Variants in NLGN1 observed in about 807,000 individuals in gnomAD.
NLGN1 encodes neuroligin 1.
A neutral mutation model predicts 65.5 loss-of-function variants in NLGN1; 12 were observed. The observed-to-expected ratio is 0.18, with a 90% confidence interval of 0.12 to 0.30. The LOEUF (loss-of-function observed/expected upper bound fraction) is 0.30. NLGN1 is among the 10% of genes least tolerant of loss of function. The pLI is 1.00. For missense variants in NLGN1, 750 were observed against 1,007.1 expected, an observed-to-expected ratio of 0.74 and a Z score of 3.46; for synonymous variants, 350 against 359.5, an observed-to-expected ratio of 0.97 and a Z score of 0.30.
intron 3 of NLGN1, among the ~76,000 whole-genome samples, chr3:173,647,761 A>G (rs1758504833): frequency 6.6e-6 from 1 of 152,148 alleles, no homozygotes; most frequent in Non-Finnish European, 1.5e-5. Context: ...TTATGAAACT[A>G]TTATAGAAGA....
intron 4 of NLGN1, among the ~76,000 whole-genome samples, chr3:174,060,563 T>A (rs1737169787): frequency 6.6e-6 from 1 of 152,100 alleles, no homozygotes; most frequent in Non-Finnish European, 1.5e-5. Context: ...AATCAAGCTC[T>A]CCCTACCTCT....
chr3:174,064,173 A>T (rs1462170150), intron 4 of NLGN1, among the ~76,000 whole-genome samples: 1 of 152,026 alleles, frequency 6.6e-6, no homozygotes, highest in Non-Finnish European at 1.5e-5. Context: ...AACAATAGCA[A>T]CAATAAAAAA....
chr3:174,132,060 T>C (rs935978320), intron 4 of NLGN1, among the ~76,000 whole-genome samples: 1 of 152,196 alleles, frequency 6.6e-6, no homozygotes, highest in Non-Finnish European at 1.5e-5. Context: ...CTTCAAGAGT[T>C]CTGAGGACAG....
chr3:173,861,571 CAT>C (rs570504805), intron 4 of NLGN1, among the ~76,000 whole-genome samples: 9 of 141,676 alleles, frequency 6.4e-5, no homozygotes, highest in South Asian at 4.6e-4. Flanking sequence ...TACACACACA[CAT>C]ATATATACAC....
chr3:173,896,815 A>G (rs886084030), intron 4 of NLGN1, among the ~76,000 whole-genome samples: 2 of 152,010 alleles, frequency 1.3e-5, no homozygotes, highest in Non-Finnish European at 2.9e-5. Flanking sequence ...TTCTCACCCA[A>G]TCACCTTTCC....
intron 4 of NLGN1, among the ~76,000 whole-genome samples, chr3:173,941,012 G>C (rs923378482): frequency 6.6e-6 from 1 of 152,076 alleles, no homozygotes; most frequent in Non-Finnish European, 1.5e-5. Context: ...TGTTACGCTT[G>C]GTACAGTTTT....
intron 4 of NLGN1, among the ~76,000 whole-genome samples, chr3:174,168,293 G>T (rs544412450): frequency 6.6e-6 from 1 of 152,082 alleles, no homozygotes; most frequent in Middle Eastern, 3.2e-3. Flanking sequence ...TAGATTTTTC[G>T]TGGTGACAGA....
At chr3:174,056,190 A>C (rs1445025397) in intron 4 of NLGN1, among the ~76,000 whole-genome samples, 1 of 152,092 alleles carries the variant, frequency 6.6e-6, no homozygotes, top group Non-Finnish European at 1.5e-5. Flanking sequence ...ATTCTTAACT[A>C]TAACATTCTA....
At chr3:173,473,578 T>C (rs1345376958) in intron 2 of NLGN1, among the ~76,000 whole-genome samples, 1 of 152,234 alleles carries the variant, frequency 6.6e-6, no homozygotes, top group Non-Finnish European at 1.5e-5. Context: ...GGTAGTACTC[T>C]TCTCAGACAG....
chr3:174,156,235 AGTTAG>A (rs1481540460), intron 4 of NLGN1, among the ~76,000 whole-genome samples: 1 of 151,924 alleles, frequency 6.6e-6, no homozygotes, highest in African/African-American at 2.4e-5. Flanking sequence ...CATTTAAGCC[AGTTAG>A]CTGACTTAAT....
At chr3:173,574,793 T>G (rs552192152) in intron 2 of NLGN1, among the ~76,000 whole-genome samples, 1 of 152,344 alleles carries the variant, frequency 6.6e-6, no homozygotes, top group East Asian at 1.9e-4. Context: ...GTCACAGTTT[T>G]GTTCACAAGA....
chr3:173,586,759 C>T (rs936246996), intron 2 of NLGN1, among the ~76,000 whole-genome samples: 2 of 152,012 alleles, frequency 1.3e-5, no homozygotes, highest in Admixed American at 6.6e-5. Flanking sequence ...AGTTTTAAGG[C>T]GATATCTGAG....
rs16832583 is a variant in NLGN1, at chr3:174,006,157, A to G, written c.646+198325A>G. On this transcript the variant is annotated intron_variant, in intron 4 of 6. Coordinates refer to ENST00000457714, the Ensembl canonical transcript of NLGN1. The stretch of plus-strand genomic sequence containing the variant: ...CCCCATAAATAGTTATAAAGACCCT[A>G]TTACTGACTGTAAAAACTCCCTTCT... Among the ~76,000 whole-genome samples the G allele has an allele frequency of 8.1e-3, 1,229 of 152,264 alleles. 16 individuals carry two copies. Among genetic ancestry groups the G allele is most frequent in the African/African-American group, 0.028 (1,159 of 41,548 alleles).
chr3:174,158,019 T>C (rs1725779785), intron 4 of NLGN1, among the ~76,000 whole-genome samples: 1 of 151,722 alleles, frequency 6.6e-6, no homozygotes, highest in Non-Finnish European at 1.5e-5. Context: ...ACTAGTCCCT[T>C]CTATTATGGA....
At chr3:174,145,438 G>A (rs1485734869) in intron 4 of NLGN1, among the ~76,000 whole-genome samples, 1 of 151,958 alleles carries the variant, frequency 6.6e-6, no homozygotes, top group Non-Finnish European at 1.5e-5. Context: ...GCTTGAATCC[G>A]GGAAGCAGGG....
intron 3 of NLGN1, among the ~76,000 whole-genome samples, chr3:173,715,748 C>T (rs185747303): frequency 2.8e-4 from 43 of 152,084 alleles, no homozygotes; most frequent in East Asian, 3.9e-4. Flanking sequence ...TGTCTGGTTT[C>T]GCAGATAGTT....
At chr3:173,834,265 C>T (rs901169229) in intron 4 of NLGN1, among the ~76,000 whole-genome samples, 6 of 152,092 alleles carry the variant, frequency 3.9e-5, no homozygotes, top group Non-Finnish European at 8.8e-5. Flanking sequence ...ATTAATAAGG[C>T]ATTACAATAC....
At chr3:173,671,705 G>A (rs11720775) in intron 3 of NLGN1, among the ~76,000 whole-genome samples, 32,075 of 152,096 alleles carry the variant, frequency 0.21, 3,855 homozygotes, top group African/African-American at 0.33. Flanking sequence ...TTTGACAGGT[G>A]AGAAAATGGA....
At chr3:173,974,684 G>A (rs1717033654) in intron 4 of NLGN1, among the ~76,000 whole-genome samples, 1 of 152,032 alleles carries the variant, frequency 6.6e-6, no homozygotes, top group East Asian at 1.9e-4. Flanking sequence ...ATTCCTTCCT[G>A]AGTCTTTTAA....
Sources: gnomAD v4.1 joint callset for allele counts (sites outside exome capture counted in the v4.1 genomes callset) on GRCh38, gnomAD v4.1.1 for gene constraint, MANE v1.5 for transcripts, NCBI Gene and HGNC (gene_info 2026-07-23, HGNC 2026-07-21) for gene names.